The following KIAA1217 variants were observed in gnomAD, a reference collection of about 807,000 sequenced individuals.
KIAA1217 encodes the protein sickle tail protein homolog.
In KIAA1217, 88 loss-of-function variants were observed where a neutral mutation model predicts 163.9. The ratio of observed to expected loss-of-function variants is 0.54; its 90% CI spans 0.45 to 0.64. The LOEUF (loss-of-function observed/expected upper bound fraction) is 0.64. Ranked by LOEUF, KIAA1217 falls within the 30% of genes least tolerant of loss-of-function variation. The pLI, the probability that KIAA1217 is intolerant of heterozygous loss-of-function variation, is 0.00. For missense variants in KIAA1217, 2,372 were observed against 2,475.0 expected, an observed-to-expected ratio of 0.96 and a Z score of 0.88; for synonymous variants, 903 against 923.1, an observed-to-expected ratio of 0.98 and a Z score of 0.39.
intron 12 of KIAA1217, among the ~76,000 whole-genome samples, chr10:24,522,834 A>G (rs1021974197): frequency 3.3e-5 from 5 of 152,172 alleles, no homozygotes; most frequent in Admixed American, 3.3e-4. Context: ...CATAGGTATT[A>G]CAGGCGGTGG....
At chr10:23,704,172 G>GTATATATATGTATATATA (rs1836713598) in intron 1 of KIAA1217, among the ~76,000 whole-genome samples, 1 of 39,926 alleles carries the variant, frequency 2.5e-5, no homozygotes, top group African/African-American at 1.3e-4. Flanking sequence ...GTGTGTGTGT[G>GTATATATATGTATATATA]TATATATATA....
intron 1 of KIAA1217, among the ~76,000 whole-genome samples, chr10:23,755,710 A>T (rs2130844742): frequency 6.6e-6 from 1 of 152,254 alleles, no homozygotes; most frequent in Middle Eastern, 3.4e-3. Context: ...TAGTCAAAAT[A>T]AGAAGTTTGA....
intron 2 of KIAA1217, among the ~76,000 whole-genome samples, chr10:24,035,636 C>T (rs965002033): frequency 1.3e-5 from 2 of 152,090 alleles, no homozygotes; most frequent in Non-Finnish European, 2.9e-5. Flanking sequence ...GAGGTGGTCA[C>T]GTGAGGTTCT....
chr10:23,927,464 A>G (rs1169822729), intron 1 of KIAA1217, among the ~76,000 whole-genome samples: 1 of 152,170 alleles, frequency 6.6e-6, no homozygotes, highest in East Asian at 1.9e-4. Context: ...GTGCCACACA[A>G]AACTAGTAGT....
At chr10:24,112,901 A>G (rs1440969698) in intron 2 of KIAA1217, among the ~76,000 whole-genome samples, 1 of 151,996 alleles carries the variant, frequency 6.6e-6, no homozygotes, top group African/African-American at 2.4e-5. Flanking sequence ...TGGTGTTCTT[A>G]TAAGAAGAAG....
At position 24,540,983 on chromosome 10, in the gene KIAA1217, G is replaced by T. The variant is rs182770054; in HGVS notation, c.3535-1710G>T. Among the ~76,000 whole-genome samples, 14 of 151,798 alleles carry T rather than the reference G, an allele frequency of 9.2e-5. 1 individual carries two copies. The South Asian group carries it at 2.9e-3, about 32-fold the overall frequency. Reference sequence around the variant, plus strand: ...GGGATTTCACCGTGATGACCAGGTCGGTCTCAAATTTCTGACCTCAAGTGA... The same window carrying T: ...GGGATTTCACCGTGATGACCAGGTCTGTCTCAAATTTCTGACCTCAAGTGA... On this transcript the variant is annotated intron_variant, in intron 17 of 20. Transcript: ENST00000376454.
At chr10:24,016,969 T>C (rs1847505162) in intron 2 of KIAA1217, among the ~76,000 whole-genome samples, 1 of 152,040 alleles carries the variant, frequency 6.6e-6, no homozygotes, top group African/African-American at 2.4e-5. Context: ...GACTTACCCA[T>C]AGTAGGTCAC....
intron 2 of KIAA1217, among the ~76,000 whole-genome samples, chr10:24,224,990 C>G (rs1418129529): frequency 1.3e-5 from 2 of 152,042 alleles, no homozygotes; most frequent in African/African-American, 4.8e-5. Context: ...CCACGCCTAG[C>G]TAATATTTTG....
intron 13 of KIAA1217, among the ~76,000 whole-genome samples, chr10:24,525,497 G>A (rs1485823413): frequency 2.6e-5 from 4 of 152,184 alleles, no homozygotes; most frequent in Non-Finnish European, 4.4e-5. Flanking sequence ...TTATTTGGAA[G>A]GTATCAGAGA....
chr10:23,999,313 A>G (rs762719987), intron 1 of KIAA1217, among the ~76,000 whole-genome samples: 3 of 152,202 alleles, frequency 2.0e-5, no homozygotes, highest in Non-Finnish European at 4.4e-5. Context: ...GATAGGAGAC[A>G]GAGAACTCAC....
chr10:24,051,889 C>T (rs1421429945), intron 2 of KIAA1217, among the ~76,000 whole-genome samples: 1 of 152,122 alleles, frequency 6.6e-6, no homozygotes, highest in Non-Finnish European at 1.5e-5. Context: ...AAAATTTTCT[C>T]CTACTCTGTG....
At chr10:24,469,678 C>A (rs545366064) in intron 5 of KIAA1217, among the ~76,000 whole-genome samples, 19 of 152,224 alleles carry the variant, frequency 1.2e-4, no homozygotes, top group African/African-American at 4.3e-4. Context: ...GTGGTATTAT[C>A]TCGGCTCACT....
At chr10:23,953,432 C>T (rs1463632517) in intron 1 of KIAA1217, among the ~76,000 whole-genome samples, 7 of 152,164 alleles carry the variant, frequency 4.6e-5, no homozygotes, top group Non-Finnish European at 8.8e-5. Flanking sequence ...AAAATAGATA[C>T]ATTAGCTGTT....
At chr10:23,948,370 C>G (rs1844156427) in intron 1 of KIAA1217, among the ~76,000 whole-genome samples, 1 of 152,184 alleles carries the variant, frequency 6.6e-6, no homozygotes, top group South Asian at 2.1e-4. Flanking sequence ...CTTTGAGCAT[C>G]TGCTTACCAG....
At chr10:24,175,406 C>T (rs1353384254) in intron 2 of KIAA1217, among the ~76,000 whole-genome samples, 4 of 151,424 alleles carry the variant, frequency 2.6e-5, no homozygotes, top group Non-Finnish European at 5.9e-5. Flanking sequence ...TATTTCACTC[C>T]TTTTTATGGC....
At chr10:24,003,576 G>A (rs1846852089) in intron 1 of KIAA1217, among the ~76,000 whole-genome samples, 2 of 152,128 alleles carry the variant, frequency 1.3e-5, no homozygotes, top group Admixed American at 1.3e-4. Context: ...TCTATTGTAT[G>A]CAGCCAAGTT....
chr10:23,714,711 G>A (rs1004493321), intron 1 of KIAA1217, among the ~76,000 whole-genome samples: 5 of 152,158 alleles, frequency 3.3e-5, no homozygotes, highest in African/African-American at 7.2e-5. Context: ...TTTGTGAAAA[G>A]GCCATATTTG....
intron 1 of KIAA1217, among the ~76,000 whole-genome samples, chr10:23,714,660 T>A (rs893829446): frequency 3.3e-5 from 5 of 152,158 alleles, no homozygotes; most frequent in African/African-American, 1.2e-4. Flanking sequence ...TCTCCCTTTG[T>A]GACTGTTCCA....
rs137916637 is a variant in KIAA1217 at position 24,209,421 on chromosome 10, A to G, written c.70+158A>G. ...ATTTTCCAAACTGAGTAGAGCATAGAGAACTGTGATTTCTTAGGCTTGACT... is the reference window on the plus strand; with the variant it reads ...ATTTTCCAAACTGAGTAGAGCATAGGGAACTGTGATTTCTTAGGCTTGACT... On this transcript the variant is annotated intron_variant, in intron 1 of 20. Coordinates refer to ENST00000376454, the MANE Select transcript of KIAA1217 (RefSeq NM_019590.5). Among the ~76,000 whole-genome samples, 269 of 151,708 alleles carry G rather than the reference A, an allele frequency of 1.8e-3. 1 individual carries two copies. In the South Asian group the frequency reaches 0.041, roughly 23 times the overall value.
Sources: allele counts gnomAD v4.1 joint callset (sites outside exome capture counted in the v4.1 genomes callset), GRCh38; gene constraint gnomAD v4.1.1; transcripts MANE v1.5; gene names NCBI Gene and HGNC (gene_info 2026-07-23, HGNC 2026-07-21).